The following LRGUK variants were observed in gnomAD, a reference collection of about 807,000 sequenced individuals.
LRGUK encodes leucine-rich repeat and guanylate kinase domain-containing protein.
LRGUK carries 65 observed loss-of-function variants against 76.0 expected under a neutral mutation model. The observed-to-expected ratio is 0.85, with a 90% CI of 0.70 to 1.05. The LOEUF (loss-of-function observed/expected upper bound fraction) is 1.05, where lower values mean the gene tolerates loss of function less well. Among genes scored for constraint, LRGUK ranks in the 50% least tolerant of loss-of-function variants. The pLI, the probability that LRGUK is intolerant of heterozygous loss-of-function variation, is 0.00. For missense variants in LRGUK, 758 were observed against 732.8 expected (o/e 1.03, Z -0.40); for synonymous variants, 268 against 265.6 (o/e 1.01, Z -0.09).
chr7:134,210,381 A>AT, downstream of LRGUK: 1 of 397,810 alleles, frequency 2.5e-6, no homozygotes, highest in Non-Finnish European at 4.4e-6. Flanking sequence ...TTACAAGAAG[A>AT]TTAAAAAAAA....
At chr7:134,265,210 TA>T (rs890774196), downstream of LRGUK, among the ~76,000 whole-genome samples, 5 of 152,050 alleles carry the variant, frequency 3.3e-5, no homozygotes, top group East Asian at 1.9e-4. Context: ...GTCTAATCTT[TA>T]AAAAAAATTA....
chr7:134,158,582 G>A (rs1199742512), intron 6 of LRGUK, among the ~76,000 whole-genome samples: 1 of 152,040 alleles, frequency 6.6e-6, no homozygotes, highest in African/African-American at 2.4e-5. Flanking sequence ...GATGTTTTCT[G>A]GGCACTGAAT....
intron 11 of LRGUK, among the ~76,000 whole-genome samples, chr7:134,184,175 A>G (rs1262340444): frequency 4.6e-5 from 7 of 152,226 alleles, no homozygotes; most frequent in Non-Finnish European, 4.4e-5. Flanking sequence ...TTCTTGTGCC[A>G]TTCTAATCGA....
chr7:134,234,363 C>T (rs901549980), intron 16 of LRGUK, among the ~76,000 whole-genome samples: 1 of 151,970 alleles, frequency 6.6e-6, no homozygotes, highest in East Asian at 1.9e-4. Context: ...GGTTGTCTGA[C>T]CGCCTGCATG....
chr7:134,237,711 CATT>C (rs1802048470), intron 16 of LRGUK, among the ~76,000 whole-genome samples: 1 of 152,154 alleles, frequency 6.6e-6, no homozygotes, highest in African/African-American at 2.4e-5. Flanking sequence ...TGCAAGAACA[CATT>C]GTTGTTACCA....
chr7:134,131,694 G>T lies in LRGUK; in HGVS notation c.297+4030G>T, dbSNP rs79560379. Among the ~76,000 whole-genome samples, 46 of 152,334 alleles carry T rather than the reference G, an allele frequency of 3.0e-4. No individual in the cohort carries two copies. In the East Asian group the frequency reaches 8.7e-3, roughly 29 times the overall value. On this transcript the variant is annotated intron_variant, in intron 1 of 15. Transcript: ENST00000645682. ...AGATTGGAGGATTGTAATACTGGAG[G>T]CAAGGAGATCAGTGAGAAGATTCTA...
chr7:134,264,337 G>A (rs186914153), exon 20 of LRGUK: 8 of 167,524 alleles, frequency 4.8e-5, no homozygotes, highest in East Asian at 1.7e-4. Context: ...TCTCTGCACC[G>A]TGATATGCAG....
intron 16 of LRGUK, 68 bp from the exon 17 acceptor site, chr7:134,247,488 T>C (rs1802332948): frequency 8.7e-6 from 10 of 1,148,806 alleles, no homozygotes; most frequent in Non-Finnish European, 1.3e-5. Context: ...AAGAGAATTA[T>C]TATAGATGTT....
intron 7 of LRGUK, among the ~76,000 whole-genome samples, chr7:134,163,859 G>C (rs1798862189): frequency 6.6e-6 from 1 of 152,150 alleles, no homozygotes; most frequent in Non-Finnish European, 1.5e-5. Context: ...AGGAATGTCT[G>C]AAATATCAGA....
chr7:134,148,234 C>A lies in LRGUK; in HGVS notation c.589-4C>A. 3 of 1,591,264 alleles carry A rather than the reference C, an allele frequency of 1.9e-6. No individual in the cohort carries two copies. The highest frequency in any genetic ancestry group is 2.6e-6 in the Non-Finnish European group (3 of 1,164,624). The stretch of plus-strand genomic sequence containing the variant: ...ATAACATCTTGTTCTCTTTCTCTTG[C>A]CAGAAGGCGGATTTTTCCCACAACC... On this transcript the variant is annotated splice_polypyrimidine_tract_variant and splice_region_variant and intron_variant, in intron 4 of 15. Transcript: ENST00000645682.
At chr7:134,129,987 A>G (rs73454625) in intron 1 of LRGUK, among the ~76,000 whole-genome samples, 2,068 of 152,130 alleles carry the variant, frequency 0.014, 43 homozygotes, top group African/African-American at 0.047. Context: ...TGATTCTTCT[A>G]TTAACCACTT....
intron 2 of LRGUK, among the ~76,000 whole-genome samples, chr7:134,138,752 C>A (rs1288558470): frequency 6.6e-6 from 1 of 152,110 alleles, no homozygotes; most frequent in Non-Finnish European, 1.5e-5. Flanking sequence ...AACCAAATTC[C>A]CCTCAACCTC....
At chr7:134,258,303 T>C (rs754501901) in exon 19 of LRGUK, 4 of 1,614,058 alleles carry the variant, frequency 2.5e-6, no homozygotes, top group Non-Finnish European at 3.4e-6. Flanking sequence ...GTTTCGGTTC[T>C]GTCCGTGGTC....
intron 12 of LRGUK, among the ~76,000 whole-genome samples, chr7:134,192,996 T>C (rs1039016750): frequency 2.0e-5 from 3 of 152,368 alleles, no homozygotes; most frequent in Non-Finnish European, 2.9e-5. Flanking sequence ...TTCTTCATTG[T>C]ACAAAATCAT....
chr7:134,157,624 G>A (rs1397142711), intron 5 of LRGUK, among the ~76,000 whole-genome samples: 2 of 152,186 alleles, frequency 1.3e-5, no homozygotes, highest in Non-Finnish European at 2.9e-5. Flanking sequence ...CCGGGTTCAC[G>A]CCGTTATCCT....
rs747127516 is a variant in LRGUK at position 134,168,981 on chromosome 7, C to G, written c.939+5441C>G. On this transcript the variant is annotated intron_variant, in intron 7 of 15. Transcript: ENST00000645682. ...GTGGGTGGAATTGTGTGCCCCTCCC[C>G]TCCAAAAAGCCTACCCTCAGGAAAC... is the stretch of plus-strand genomic sequence containing the variant. Among the ~76,000 whole-genome samples the G allele has an allele frequency of 7.9e-5, 12 of 152,186 alleles. 1 individual carries two copies. The South Asian group carries it at 2.5e-3, about 32-fold the overall frequency.
intron 15 of LRGUK, among the ~76,000 whole-genome samples, chr7:134,217,934 A>C (rs186133899): frequency 2.2e-4 from 34 of 152,060 alleles, no homozygotes; most frequent in Admixed American, 6.6e-4. Flanking sequence ...TTAAAAAAAA[A>C]CCCTCACTAT....
chr7:134,139,459 C>A, exon 3 of LRGUK: 1 of 1,609,532 alleles, frequency 6.2e-7, no homozygotes, highest in Non-Finnish European at 8.5e-7. Flanking sequence ...TTGATGTTAG[C>A]ATTCTCTGTG....
intron 11 of LRGUK, among the ~76,000 whole-genome samples, chr7:134,191,424 T>C (rs1467928825): frequency 3.3e-5 from 5 of 152,200 alleles, no homozygotes; most frequent in Admixed American, 6.5e-5. Context: ...TGATAAGTAA[T>C]AATGAGTAAA....
Sources: gnomAD v4.1 joint callset for allele counts (sites outside exome capture counted in the v4.1 genomes callset) on GRCh38, gnomAD v4.1.1 for gene constraint, MANE v1.5 for transcripts, NCBI Gene and HGNC (gene_info 2026-07-23, HGNC 2026-07-21) for gene names.